The following HMG20A variants were observed in gnomAD, a reference collection of about 807,000 sequenced individuals.
The protein encoded by HMG20A is high mobility group protein 20A.
HMG20A carries 17 observed loss-of-function variants against 43.9 expected under a neutral mutation model. The ratio of observed to expected loss-of-function variants is 0.39; its 90% confidence interval spans 0.27 to 0.58. The LOEUF (loss-of-function observed/expected upper bound fraction) is 0.58. Ranked by LOEUF, HMG20A falls within the 20% of genes least tolerant of loss-of-function variation. The pLI, the probability that HMG20A is intolerant of heterozygous loss-of-function variation, is 0.59. For synonymous variants in HMG20A, 132 were observed against 147.5 expected (o/e 0.89, Z 0.76); for missense variants, 341 against 438.2 (o/e 0.78, Z 1.98).
chr15:77,509,308 G>A, the HMG20A span, among the ~76,000 whole-genome samples: 1 of 151,760 alleles, frequency 6.6e-6, no homozygotes. Context: ...ACTCAGGCTG[G>A]AGGGCAGTGG....
At chr15:77,461,679 TTGTGAATTCCCA>T (rs1378103758) in intron 2 of HMG20A, among the ~76,000 whole-genome samples, 1 of 152,186 alleles carries the variant, frequency 6.6e-6, no homozygotes, top group Non-Finnish European at 1.5e-5. Context: ...ATTCATGGGA[TTGTGAATTCCCA>T]TGTGAATTCC....
the HMG20A span, among the ~76,000 whole-genome samples, chr15:77,508,446 T>C: frequency 6.6e-6 from 1 of 152,242 alleles, no homozygotes; most frequent in Non-Finnish European, 1.5e-5. Context: ...TGCTCAGCTC[T>C]ATGAATAGTG....
At chr15:77,515,440 C>T in the HMG20A span, among the ~76,000 whole-genome samples, 1 of 141,904 alleles carries the variant, frequency 7.0e-6, no homozygotes, top group Non-Finnish European at 1.6e-5. Context: ...TGAGGCTGGG[C>T]TGTGAGACTG....
At chr15:77,513,141 G>A in the HMG20A span, among the ~76,000 whole-genome samples, 3 of 152,146 alleles carry the variant, frequency 2.0e-5, no homozygotes, top group Admixed American at 6.6e-5. Context: ...GGACCCTTTC[G>A]ATATAAAGGA....
At chr15:77,460,851 T>C (rs1468887399) in intron 2 of HMG20A, among the ~76,000 whole-genome samples, 1 of 152,178 alleles carries the variant, frequency 6.6e-6, no homozygotes, top group East Asian at 1.9e-4. Flanking sequence ...TCAGGTGTGG[T>C]GGCACGTGCC....
intron 1 of HMG20A, among the ~76,000 whole-genome samples, chr15:77,435,344 C>T (rs1435523677): frequency 6.6e-6 from 1 of 152,146 alleles, no homozygotes; most frequent in East Asian, 1.9e-4. Context: ...AGTGCTGTGG[C>T]GCGATCTTGG....
At position 77,451,639 on chromosome 15, in the gene HMG20A, G is replaced by A. The variant is rs189352984; in HGVS notation, c.-4-6765G>A. On this transcript the variant is annotated intron_variant, in intron 1 of 9. Transcript: ENST00000336216. ...AATCATGGGTTCTGCAGGGCCAATT[G>A]TGGGCATCTACAAATTTTGAGCTCG... Among the ~76,000 whole-genome samples the A allele has an allele frequency of 1.1e-4, 16 of 152,256 alleles. No homozygotes were observed. The East Asian group carries it at 2.9e-3, about 28-fold the overall frequency.
the HMG20A span, among the ~76,000 whole-genome samples, chr15:77,516,418 A>T: frequency 6.6e-6 from 1 of 152,154 alleles, no homozygotes. Flanking sequence ...CAAGGCTGCA[A>T]TGAGCCATGA....
At chr15:77,490,362 G>A (rs2142375422), downstream of HMG20A, among the ~76,000 whole-genome samples, 1 of 152,304 alleles carries the variant, frequency 6.6e-6, no homozygotes. Context: ...GGCAAGAGAA[G>A]AATCAGAGAG....
chr15:77,443,376 G>GAT (rs1491110236), intron 1 of HMG20A, among the ~76,000 whole-genome samples: 1 of 121,252 alleles, frequency 8.2e-6, no homozygotes, highest in Non-Finnish European at 1.8e-5. Context: ...TGATGATGAT[G>GAT]ATGATTATTA....
the HMG20A span, among the ~76,000 whole-genome samples, chr15:77,493,121 A>G: frequency 6.6e-6 from 1 of 152,188 alleles, no homozygotes; most frequent in African/African-American, 2.4e-5. Flanking sequence ...TCTTGCTTTC[A>G]TGGAGCCTAG....
the HMG20A span, among the ~76,000 whole-genome samples, chr15:77,496,708 G>A: frequency 2.0e-5 from 3 of 152,210 alleles, no homozygotes; most frequent in Non-Finnish European, 4.4e-5. Flanking sequence ...AAAGTCTTCA[G>A]ACCAGAGGTG....
intron 1 of HMG20A, among the ~76,000 whole-genome samples, chr15:77,455,788 T>C (rs1240427573): frequency 6.6e-6 from 1 of 152,224 alleles, no homozygotes; most frequent in Non-Finnish European, 1.5e-5. Context: ...TGTGAAGGGC[T>C]TTTGGCAATC....
chr15:77,455,006 G>A (rs916414591), intron 1 of HMG20A, among the ~76,000 whole-genome samples: 1 of 152,044 alleles, frequency 6.6e-6, no homozygotes, highest in East Asian at 1.9e-4. Context: ...AGAGGGAGTG[G>A]TGCAGAAGGA....
chr15:77,445,677 G>T (rs923425764), intron 1 of HMG20A, among the ~76,000 whole-genome samples: 2 of 152,054 alleles, frequency 1.3e-5, no homozygotes, highest in Admixed American at 1.3e-4. Flanking sequence ...CTTCTCTTCT[G>T]CTTTGGGGCC....
chr15:77,500,563 C>CTTT, the HMG20A span, among the ~76,000 whole-genome samples: 6 of 144,710 alleles, frequency 4.1e-5, no homozygotes, highest in South Asian at 2.2e-4. Flanking sequence ...CCTCCCTGTT[C>CTTT]TTTTTTTTTT....
At chr15:77,421,327 T>TAATA (rs927420885) in intron 1 of HMG20A, among the ~76,000 whole-genome samples, 1 of 152,228 alleles carries the variant, frequency 6.6e-6, no homozygotes, top group Non-Finnish European at 1.5e-5. Flanking sequence ...TGTGAAAAGT[T>TAATA]AGATTATTCC....
chr15:77,461,244 A>T (rs1050898210), intron 2 of HMG20A, among the ~76,000 whole-genome samples: 1 of 152,188 alleles, frequency 6.6e-6, no homozygotes, highest in Admixed American at 6.5e-5. Context: ...ATAAGCACAT[A>T]TCTCCTTTGA....
intron 1 of HMG20A, among the ~76,000 whole-genome samples, chr15:77,432,255 A>C (rs1356184887): frequency 6.6e-6 from 1 of 152,264 alleles, no homozygotes; most frequent in African/African-American, 2.4e-5. Context: ...CATGTGAATC[A>C]GTTAAAGATA....
Sources: allele counts gnomAD v4.1 joint callset (sites outside exome capture counted in the v4.1 genomes callset), GRCh38; gene constraint gnomAD v4.1.1; transcripts MANE v1.5; gene names NCBI Gene and HGNC (gene_info 2026-07-23, HGNC 2026-07-21).